Variants in RECQL observed in about 807,000 individuals in gnomAD.
RECQL encodes the protein RecQ like helicase, also known as ATP-dependent DNA helicase Q1.
A neutral mutation model predicts 75.8 loss-of-function variants in RECQL; 73 were observed. The ratio of observed to expected loss-of-function variants is 0.96; its 90% CI spans 0.80 to 1.17. The LOEUF is 1.17. Among genes scored for constraint, RECQL ranks in the 50% most tolerant of loss-of-function variants. RECQL has a pLI of 0.00. For missense variants in RECQL, 699 were observed against 772.1 expected (o/e 0.91, Z 1.12); for synonymous variants, 248 against 254.4 (o/e 0.97, Z 0.24).
chr12:21,493,476 A>C (rs1054972557), intron 2 of RECQL, among the ~76,000 whole-genome samples: 5 of 152,196 alleles, frequency 3.3e-5, no homozygotes, highest in Non-Finnish European at 7.3e-5. Context: ...CCTTAAAAAA[A>C]AACCTTATCC....
In RECQL at chr12:21,477,817, T is replaced by G; in HGVS notation, c.853A>C (p.Asn285His). The change falls in exon 7 of 15, where the codon AAT (asparagine) becomes CAT (histidine). Residue 285 changes from asparagine (N) to histidine (H), a missense_variant. Transcript: ENST00000444129. ...AAATTACATACCTCATAATATAGAT[T>G]TGGCCTATTAAAAGAAGCTGTAAAA... ...FTFTASFNRPNLYYEVRQKPS... is the reference protein window; with the variant it reads ...FTFTASFNRPHLYYEVRQKPS... The G allele has an allele frequency of 6.2e-7, 1 of 1,611,910 alleles. No homozygotes were observed. The highest frequency in any genetic ancestry group is 1.1e-5 in the South Asian group (1 of 90,684).
chr12:21,472,010 C>T (rs1942979658), intron 12 of RECQL, among the ~76,000 whole-genome samples: 1 of 152,036 alleles, frequency 6.6e-6, no homozygotes, highest in Admixed American at 6.6e-5. Context: ...CCTGAGTGAA[C>T]TCTGATTTAG....
chr12:21,488,699 T>TC (rs1156653757), intron 4 of RECQL, among the ~76,000 whole-genome samples: 1 of 152,064 alleles, frequency 6.6e-6, no homozygotes, highest in Admixed American at 6.6e-5. Flanking sequence ...CTTTCTCCTT[T>TC]CCCCCCAAGC....
At chr12:21,479,690 A>G (rs1943156887) in intron 6 of RECQL, among the ~76,000 whole-genome samples, 1 of 152,220 alleles carries the variant, frequency 6.6e-6, no homozygotes, top group Non-Finnish European at 1.5e-5. Context: ...TTCATAAATC[A>G]TCTTTTGGTG....
At chr12:21,490,442 G>A (rs1943388930) in intron 3 of RECQL, 64 bp from the exon 4 acceptor site, 5 of 1,074,634 alleles carry the variant, frequency 4.7e-6, no homozygotes, top group South Asian at 1.4e-5. Flanking sequence ...TGATAAGAAT[G>A]AGACAAACAT....
chr12:21,478,169 G>A (rs916592119), intron 6 of RECQL, among the ~76,000 whole-genome samples, 200 bp from the exon 7 acceptor site: 1 of 151,982 alleles, frequency 6.6e-6, no homozygotes, highest in East Asian at 1.9e-4. Flanking sequence ...TCTTGGTCAC[G>A]GTGGACTCAA....
At chr12:21,488,878 CAT>C (rs1381545846) in intron 4 of RECQL, among the ~76,000 whole-genome samples, 1 of 152,240 alleles carries the variant, frequency 6.6e-6, no homozygotes, top group African/African-American at 2.4e-5. Context: ...ACTCTTTCCA[CAT>C]GTCTTACCAC....
chr12:21,475,942 G>A, intron 8 of RECQL, 118 bp from the exon 9 acceptor site: 1 of 868,784 alleles, frequency 1.2e-6, no homozygotes, highest in Admixed American at 2.8e-5. Flanking sequence ...AAAGAATTAT[G>A]AAAAATTTCA....
intron 5 of RECQL, among the ~76,000 whole-genome samples, chr12:21,486,267 T>C (rs1211295738): frequency 1.3e-5 from 2 of 152,000 alleles, no homozygotes; most frequent in Non-Finnish European, 2.9e-5. Flanking sequence ...TCTTTTTAGA[T>C]TTTTTTTAGC....
At chr12:21,497,886 C>T (rs1261404685) in intron 2 of RECQL, among the ~76,000 whole-genome samples, 1 of 152,224 alleles carries the variant, frequency 6.6e-6, no homozygotes, top group Non-Finnish European at 1.5e-5. Context: ...GCACCATTCT[C>T]TGTGGGGACA....
chr12:21,479,350 ATTT>A (rs11366827), intron 6 of RECQL, among the ~76,000 whole-genome samples: 32 of 116,294 alleles, frequency 2.8e-4, no homozygotes, highest in African/African-American at 6.9e-4. Flanking sequence ...TCATCATGTA[ATTT>A]TTTTTTTTTT....
chr12:21,482,529 C>T (rs745776521), intron 6 of RECQL, among the ~76,000 whole-genome samples: 6 of 152,080 alleles, frequency 3.9e-5, no homozygotes, highest in Non-Finnish European at 8.8e-5. Context: ...AGCCAAGCAG[C>T]AGGAATGGGG....
intron 7 of RECQL, among the ~76,000 whole-genome samples, chr12:21,477,422 C>CT (rs1248903005): frequency 1.3e-5 from 2 of 152,148 alleles, no homozygotes; most frequent in Non-Finnish European, 2.9e-5. Context: ...ATTGGCAAAT[C>CT]TTTAATGGCA....
rs1185569771 is a variant in RECQL at position 21,485,468 on chromosome 12, T to A, written c.501+1011A>T. On this transcript the variant is annotated intron_variant, in intron 5 of 14. Coordinates refer to ENST00000444129, the MANE Select transcript of RECQL (RefSeq NM_002907.4). ...CAACAAAGAATTTGCATGGGAAATA[T>A]AAAAGATATAAAGAGAACCTATGGG... Among the ~76,000 whole-genome samples the A allele has an allele frequency of 3.3e-5, 5 of 151,818 alleles. No individual in the cohort carries two copies. In the East Asian group the frequency reaches 9.7e-4, roughly 29 times the overall value.
chr12:21,491,630 G>A lies in RECQL; in HGVS notation c.103C>T (p.Leu35Phe), dbSNP rs953180685. The A allele has an allele frequency of 1.2e-6, 2 of 1,613,252 alleles. No homozygotes were observed. Among genetic ancestry groups the A allele is most frequent in the South Asian group, 1.1e-5 (1 of 91,008 alleles). Reference sequence around the variant, plus strand: ...GTCAGGACTTTTTTTTTCTGAATAAGCTCTTGTTGCCTTTCCGTAAGTTCT... The same window carrying A: ...GTCAGGACTTTTTTTTTCTGAATAAACTCTTGTTGCCTTTCCGTAAGTTCT... ...IQELTERQQELIQKKKVLTKK... is the reference protein window; with the variant it reads ...IQELTERQQEFIQKKKVLTKK... The change falls in exon 3 of 15, where the codon CTT becomes TTT. Residue 35 changes from leucine to phenylalanine, a missense_variant. This residue lies in a region of RECQL where 669 missense variants were observed against 713.5 expected (regional missense o/e 0.94). Transcript: ENST00000444129.
rs970717805 is a variant in RECQL at position 21,475,697 on chromosome 12, T to C, written c.1077A>G (p.Lys359=). Residue 359 remains lysine (K), a synonymous_variant, in exon 9 of 15, where the codon AAA becomes AAG. Coordinates refer to ENST00000444129, the MANE Select transcript of RECQL (RefSeq NM_002907.4). ...TAACCTGAATTTCATTGGCTGACCA[T>C]TTTCTATGAACTGTGGTCTTATCTT... ...EPEDKTTVHR[K]WSANEIQVVV... is the part of the protein sequence containing the mutation. 3 of 1,613,260 alleles carry C rather than the reference T, an allele frequency of 1.9e-6. No individual in the cohort carries two copies. The highest frequency in any genetic ancestry group is 2.7e-5 in the African/African-American group (2 of 74,902).
At chr12:21,471,902 C>T (rs1423370504) in intron 12 of RECQL, among the ~76,000 whole-genome samples, 4 of 151,972 alleles carry the variant, frequency 2.6e-5, no homozygotes, top group African/African-American at 7.2e-5. Context: ...AGAAGCCCTG[C>T]CATATACTCT....
At chr12:21,498,563 C>T (rs927689509) in intron 2 of RECQL, among the ~76,000 whole-genome samples, 2 of 152,068 alleles carry the variant, frequency 1.3e-5, no homozygotes, top group East Asian at 3.9e-4. Flanking sequence ...AATGAACAGG[C>T]AAAGAAGGCG....
At chr12:21,483,737 G>A (rs745676886) in intron 5 of RECQL, among the ~76,000 whole-genome samples, 163 bp from the exon 6 acceptor site, 8 of 152,070 alleles carry the variant, frequency 5.3e-5, no homozygotes, top group Non-Finnish European at 1.0e-4. Flanking sequence ...GTCTCAGTAC[G>A]AAACATCATG....
Sources: gnomAD v4.1 joint callset for allele counts (sites outside exome capture counted in the v4.1 genomes callset) on GRCh38, gnomAD v4.1.1 for gene constraint, gnomAD v4.1.1 regional missense constraint, MANE v1.5 for transcripts, NCBI Gene and HGNC (gene_info 2026-07-23, HGNC 2026-07-21) for gene names.